The following LPAR5 variants were observed in gnomAD, a reference collection of about 807,000 sequenced individuals.
LPAR5 encodes G protein-coupled receptor 92.
For synonymous variants in LPAR5, 271 were observed against 261.6 expected (o/e 1.04, Z -0.35); for missense variants, 544 against 521.8 (o/e 1.04, Z -0.41).
rs374800227 is a variant in LPAR5 at position 6,620,357 on chromosome 12, A to G, written c.892T>C (p.Tyr298His). The change falls in exon 2 of 2, where the codon TAC becomes CAC. Residue 298 changes from tyrosine (Y) to histidine (H), a missense_variant. By Grantham distance (83) the Tyr-to-His change is moderately conservative. Transcript: ENST00000329858. The surrounding 1 kb of genome is among the most constrained non-coding windows in gnomAD (Gnocchi z 6.8). ...ANCVLDPLVY[Y>H]FSAEGFRNTL... The stretch of plus-strand genomic sequence containing the variant: ...TTGCGGAAGCCCTCGGCGCTAAAGT[A>G]GTACACCAGCGGGTCCAGCACGCAG... 2 of 1,611,486 alleles carry G rather than the reference A, an allele frequency of 1.2e-6. No individual in the cohort carries two copies. Among genetic ancestry groups the G allele is most frequent in the Non-Finnish European group, 1.7e-6 (2 of 1,179,232 alleles).
intron 1 of LPAR5, among the ~76,000 whole-genome samples, chr12:6,624,556 A>G (rs531436921): frequency 6.6e-6 from 1 of 152,212 alleles, no homozygotes; most frequent in African/African-American, 2.4e-5. Context: ...GGTTTATTTC[A>G]CTTAGCATAA....
Position 6,621,392 on chromosome 12 carries a change from G to A in LPAR5, c.-144C>T. 1 of 777,132 alleles carries A rather than the reference G, an allele frequency of 1.3e-6. No homozygotes were observed. Among genetic ancestry groups the A allele is most frequent in the Non-Finnish European group, 1.9e-6 (1 of 539,590 alleles). 48.1% of individuals were successfully genotyped at this position (777,132 alleles called of 1,614,324 possible). A position where few individuals can be genotyped will look rare whatever the true frequency, so the allele number is the denominator to read the frequency against. On this transcript the variant is annotated 5_prime_UTR_variant, in exon 2 of 2. Transcript: ENST00000329858. ...AGCAGAGGGAGGTCATGGGAATGTG[G>A]GCTATGGCTGCAGGGACAGATGGCT...
In LPAR5 at chr12:6,621,144, G is replaced by A. The variant is rs768946441; in HGVS notation, c.105C>T (p.Ala35=). 4 of 1,598,548 alleles carry A rather than the reference G, an allele frequency of 2.5e-6. No homozygotes were observed. Among genetic ancestry groups the A allele is most frequent in the East Asian group, 2.2e-5 (1 of 44,504 alleles). The change falls in exon 2 of 2, where the codon GCC becomes GCT. Residue 35 remains alanine (A), a synonymous_variant. Coordinates refer to ENST00000329858, the MANE Select transcript of LPAR5 (RefSeq NM_020400.6). The part of the protein sequence containing the change: ...HLVVYSLVLA[A]GLPLNALALW... ...GGGCTAGCGCGTTGAGGGGGAGCCC[G>A]GCAGCCAGCACCAAGCTGTAGACCA...
intron 1 of LPAR5, among the ~76,000 whole-genome samples, chr12:6,633,412 GTT>G (rs1288830758): frequency 6.9e-6 from 1 of 145,664 alleles, no homozygotes; most frequent in Admixed American, 6.9e-5. Context: ...CCTGGGTTTT[GTT>G]TTTTTTTTTT....
In LPAR5 at chr12:6,620,244, G is replaced by A. The variant is rs775791481; in HGVS notation, c.1005C>T (p.Ser335=). ...TRAALAQSER[S]AVTTDATRPD... The stretch of plus-strand genomic sequence containing the variant: ...GCCTGGTGGCGTCGGTGGTGACGGC[G>A]GACCTTTCGGATTGCGCGAGCGCCG... The change falls in exon 2 of 2, where the codon TCC becomes TCT. Residue 335 remains serine (S), a synonymous_variant. Coordinates refer to ENST00000329858, the MANE Select transcript of LPAR5 (RefSeq NM_020400.6). This position sits in a 1 kb window ranked among gnomAD's most constrained non-coding sequence, Gnocchi z 6.8. 2 of 1,610,342 alleles carry A rather than the reference G, an allele frequency of 1.2e-6. No homozygotes were observed. The highest frequency in any genetic ancestry group is 1.3e-5 in the African/African-American group (1 of 74,858).
Position 6,621,174 on chromosome 12 carries a change from G to C in LPAR5, c.75C>G (p.His25Gln). Residue 25 changes from histidine (H) to glutamine (Q), a missense_variant, in exon 2 of 2, where the codon CAC becomes CAG. His to Gln is a conservative substitution (Grantham distance 24, BLOSUM62 0). Coordinates refer to ENST00000329858, the MANE Select transcript of LPAR5 (RefSeq NM_020400.6). ...CPDYRPTHRL[H>Q]LVVYSLVLAA... ...CCAGCACCAAGCTGTAGACCACCAA[G>C]TGCAGGCGGTGGGTAGGTCGGTAGT... 1.3e-6 allele frequency: 2 copies of C among 1,575,652 alleles called. No homozygotes were observed. The highest frequency in any genetic ancestry group is 2.4e-5 in the South Asian group (2 of 84,816).
intron 1 of LPAR5, among the ~76,000 whole-genome samples, chr12:6,627,620 C>T (rs1480082385): frequency 6.6e-6 from 1 of 152,064 alleles, no homozygotes; most frequent in East Asian, 1.9e-4. Flanking sequence ...CCTTAAAATT[C>T]CCCCTTAAGT....
intron 1 of LPAR5, among the ~76,000 whole-genome samples, chr12:6,633,507 G>A (rs1383773515): frequency 6.6e-6 from 1 of 152,054 alleles, no homozygotes; most frequent in African/African-American, 2.4e-5. Flanking sequence ...CCGCCTCCCG[G>A]GTTCACGCAA....
rs112968150 is a variant in LPAR5, at chr12:6,624,016, G to T, written c.-216-2552C>A. On this transcript the variant is annotated intron_variant, in intron 1 of 1. Coordinates refer to ENST00000329858, the MANE Select transcript of LPAR5 (RefSeq NM_020400.6). ...ATACAGAACAACATCCCAGCCTTAC[G>T]CATCACATGCATCACTGCGCCTGTG... Among the ~76,000 whole-genome samples, 184 of 152,224 alleles carry T rather than the reference G, an allele frequency of 1.2e-3. 1 individual carries two copies. The highest frequency in any genetic ancestry group is 3.8e-3 in the African/African-American group (159 of 41,524).
In LPAR5 at chr12:6,635,957, T is replaced by TCTGGGCCGGG. The variant is rs746466324; in HGVS notation, c.-268_-267insCCCGGCCCAG. The TCTGGGCCGGG allele has an allele frequency of 2.6e-5, 4 of 153,332 alleles. No individual in the cohort carries two copies. The South Asian group carries it at 6.2e-4, about 24-fold the overall frequency. The allele number at this position is 153,332 out of a possible 1,614,324, so 9.5% of individuals were successfully genotyped here. A position where few individuals can be genotyped will look rare whatever the true frequency, so the allele number is the denominator to read the frequency against. On this transcript the variant is annotated 5_prime_UTR_variant, in exon 1 of 2. Coordinates refer to ENST00000329858, the MANE Select transcript of LPAR5 (RefSeq NM_020400.6). Reference sequence around the variant, plus strand: ...CCCCAAGCTGGCTTCCGCTGCCTGCTCTGGGCTGGGCTGGGCTGGGCTGGG... The same window carrying TCTGGGCCGGG: ...CCCCAAGCTGGCTTCCGCTGCCTGCTCTGGGCCGGGCTGGGCTGGGCTGGGCTGGGCTGGG...
chr12:6,625,786 G>A (rs1181401826), intron 1 of LPAR5, among the ~76,000 whole-genome samples: 1 of 151,554 alleles, frequency 6.6e-6, no homozygotes, highest in Admixed American at 6.6e-5. Flanking sequence ...GCTATAACAA[G>A]TTTTTTGTTT....
chr12:6,630,885 G>A (rs1365087431), intron 1 of LPAR5, among the ~76,000 whole-genome samples: 3 of 152,170 alleles, frequency 2.0e-5, no homozygotes, highest in South Asian at 2.1e-4. Context: ...TCTGCTTCCC[G>A]AGCCCTGGGG....
intron 1 of LPAR5, among the ~76,000 whole-genome samples, chr12:6,635,099 A>C (rs1160488705): frequency 6.7e-6 from 1 of 149,284 alleles, no homozygotes; most frequent in Admixed American, 6.7e-5. Flanking sequence ...AAAAAAAAAA[A>C]AGAAAGGAAG....
chr12:6,622,769 A>G (rs1024386235), intron 1 of LPAR5, among the ~76,000 whole-genome samples: 2 of 151,870 alleles, frequency 1.3e-5, no homozygotes, highest in Non-Finnish European at 2.9e-5. Context: ...AAAAATATTA[A>G]AAAATTAAAA....
chr12:6,629,832 T>G (rs2136244477), intron 1 of LPAR5, among the ~76,000 whole-genome samples: 1 of 151,538 alleles, frequency 6.6e-6, no homozygotes, highest in African/African-American at 2.4e-5. Context: ...AAAACCAGCC[T>G]GGTCAACATA....
chr12:6,627,851 G>A lies in LPAR5; in HGVS notation c.-216-6387C>T, dbSNP rs932676581. 6.7e-3 allele frequency among the ~76,000 whole-genome samples: 143 copies of A among 21,354 alleles called. 1 individual carries two copies. The highest frequency in any genetic ancestry group is 0.025 in the African/African-American group (137 of 5,524). The allele number at this position is 21,354 out of a possible 152,430, so 14.0% of individuals were successfully genotyped here. ...ACCCATCCCGCCCCCAACTACCCCC[G>A]CCCACGCTCTAATCCTGTGATAATA... On this transcript the variant is annotated intron_variant, in intron 1 of 1. Coordinates refer to ENST00000329858, the MANE Select transcript of LPAR5 (RefSeq NM_020400.6).
At chr12:6,633,651 G>A (rs1223408738) in intron 1 of LPAR5, among the ~76,000 whole-genome samples, 1 of 152,150 alleles carries the variant, frequency 6.6e-6, no homozygotes, top group African/African-American at 2.4e-5. Flanking sequence ...GACCTCAGGT[G>A]ATCTGCCCTC....
rs1948873741 is a variant in LPAR5, at chr12:6,620,010, G to C, written c.*120C>G. ...ACTTTGTACTCTTCTGCGTTGCTAAGCTGGAATTGCCACCCAAAGGTCCAA... is the reference window on the plus strand; with the variant it reads ...ACTTTGTACTCTTCTGCGTTGCTAACCTGGAATTGCCACCCAAAGGTCCAA... On this transcript the variant is annotated 3_prime_UTR_variant, in exon 2 of 2. Transcript: ENST00000329858. This position sits in a 1 kb window ranked among gnomAD's most constrained non-coding sequence, Gnocchi z 6.8. The C allele has an allele frequency of 9.8e-6, 13 of 1,330,208 alleles. No homozygotes were observed. Among genetic ancestry groups the C allele is most frequent in the Non-Finnish European group, 1.4e-5 (13 of 945,700 alleles). 82.4% of individuals were successfully genotyped at this position (1,330,208 alleles called of 1,614,324 possible).
At chr12:6,622,937 AAAAG>A (rs1948906849) in intron 1 of LPAR5, among the ~76,000 whole-genome samples, 2 of 151,932 alleles carry the variant, frequency 1.3e-5, no homozygotes, top group East Asian at 2.0e-4. Context: ...CCCATCTCAA[AAAAG>A]AAAGAAAGAG....
Sources: allele counts gnomAD v4.1 joint callset (sites outside exome capture counted in the v4.1 genomes callset), GRCh38; gene constraint gnomAD v4.1.1; non-coding constraint Gnocchi (gnomAD v3.1); transcripts MANE v1.5; gene names NCBI Gene and HGNC (gene_info 2026-07-23, HGNC 2026-07-21).